The following CDO1 variants were observed in gnomAD, a reference collection of about 807,000 sequenced individuals.
CDO1 encodes cysteine dioxygenase, type I.
CDO1 carries 19 observed loss-of-function variants against 24.5 expected under a neutral mutation model. The observed-to-expected ratio is 0.77, with a 90% CI of 0.54 to 1.14. The LOEUF (loss-of-function observed/expected upper bound fraction) is 1.14, where lower values mean the gene tolerates loss of function less well. Ranked by LOEUF, CDO1 falls within the 50% of genes most tolerant of loss-of-function variation. The pLI is 0.00. For synonymous variants in CDO1, 91 were observed against 87.0 expected (o/e 1.05, Z -0.26); for missense variants, 244 against 244.8 (o/e 1.00, Z 0.02).
chr5:115,806,596 G>A (rs1270704239), intron 3 of CDO1, 78 bp from the exon 4 acceptor site: 8 of 1,021,742 alleles, frequency 7.8e-6, no homozygotes, highest in Middle Eastern at 2.0e-4. Flanking sequence ...TGAGTCATCT[G>A]AGATCATGAA....
chr5:115,805,171 T>A lies in CDO1; in HGVS notation c.*262A>T. ...GCTCCTAGTATGGATTTAATGGAAT[T>A]AGAGGATAGAACTATGAGAGCACTT... is the stretch of plus-strand genomic sequence containing the variant. On this transcript the variant is annotated 3_prime_UTR_variant, in exon 5 of 5. Coordinates refer to ENST00000250535, the MANE Select transcript of CDO1 (RefSeq NM_001801.3). The A allele has an allele frequency of 5.1e-6, 2 of 392,534 alleles. No individual in the cohort carries two copies. The highest frequency in any genetic ancestry group is 9.0e-6 in the Non-Finnish European group (2 of 221,630). The allele number at this position is 392,534 out of a possible 1,614,324, so 24.3% of individuals were successfully genotyped here. A position where few individuals can be genotyped will look rare whatever the true frequency, so the allele number is the denominator to read the frequency against.
chr5:115,811,010 C>G (rs1760163508), intron 3 of CDO1, 151 bp downstream of exon 3: 3 of 769,718 alleles, frequency 3.9e-6, no homozygotes, highest in South Asian at 3.7e-5. Flanking sequence ...GCTTAAAAAA[C>G]AAAACCTGCT....
intron 1 of CDO1, 137 bp from the exon 2 acceptor site, chr5:115,813,395 C>T: frequency 1.8e-6 from 1 of 553,936 alleles, no homozygotes. Flanking sequence ...ATGCAGTTTT[C>T]TAATTAGAAA....
At chr5:115,814,242 T>C (rs1760327362) in intron 1 of CDO1, 2 of 152,220 alleles carry the variant, frequency 1.3e-5, no homozygotes, top group African/African-American at 4.8e-5. Flanking sequence ...CAGTTTTCCC[T>C]ACTTTGTAGC....
intron 2 of CDO1, 103 bp downstream of exon 2, chr5:115,813,074 ATGAG>A: frequency 4.3e-6 from 2 of 468,628 alleles, no homozygotes; most frequent in Non-Finnish European, 7.6e-6. Flanking sequence ...AAAAAAAAAA[ATGAG>A]ATTTGTTACT....
chr5:115,808,400 T>C lies in CDO1; in HGVS notation c.404-1882A>G, dbSNP rs144618851. Among the ~76,000 whole-genome samples the C allele has an allele frequency of 9.9e-5, 15 of 152,210 alleles. No homozygotes were observed. The East Asian group carries it at 2.1e-3, about 22-fold the overall frequency. On this transcript the variant is annotated intron_variant, in intron 3 of 4. Transcript: ENST00000250535. Reference sequence around the variant, plus strand: ...CCCAGCTAAATTATCAATCAAGTTGTAGGAGTTGAATATAGAGATATTTAA... The same window carrying C: ...CCCAGCTAAATTATCAATCAAGTTGCAGGAGTTGAATATAGAGATATTTAA...
intron 2 of CDO1, among the ~76,000 whole-genome samples, chr5:115,812,218 C>G (rs1457327392): frequency 2.0e-5 from 3 of 152,176 alleles, no homozygotes; most frequent in Admixed American, 6.5e-5. Context: ...AATAAATGCA[C>G]TCTACAGACC....
At chr5:115,808,715 AC>A (rs1760058306) in intron 3 of CDO1, among the ~76,000 whole-genome samples, 1 of 148,856 alleles carries the variant, frequency 6.7e-6, no homozygotes, top group Non-Finnish European at 1.5e-5. Context: ...TTAAACACAC[AC>A]ACACACAAAA....
intron 3 of CDO1, among the ~76,000 whole-genome samples, chr5:115,807,290 G>T (rs1759988631): frequency 6.6e-6 from 1 of 152,190 alleles, no homozygotes; most frequent in South Asian, 2.1e-4. Context: ...GTCGCTGGAA[G>T]TTCCTGAAGA....
In CDO1 at chr5:115,816,264, G is replaced by A; in HGVS notation, c.134C>T (p.Thr45Ile). 1 of 1,614,248 alleles carries A rather than the reference G, an allele frequency of 6.2e-7. No individual in the cohort carries two copies. Among genetic ancestry groups the A allele is most frequent in the Non-Finnish European group, 8.5e-7 (1 of 1,180,040 alleles). ...AIMEAYESDP[T>I]EWAMYAKFDQ... ...GAACTTGGCGTACATTGCCCACTCG[G>A]TGGGGTCGCTCTCGTAGGCTTCCAT... The change falls in exon 1 of 5, where the codon ACC becomes ATC. Residue 45 changes from threonine (T) to isoleucine (I), a missense_variant. By Grantham distance (89) the Thr-to-Ile change is moderately conservative. Coordinates refer to ENST00000250535, the MANE Select transcript of CDO1 (RefSeq NM_001801.3).
At chr5:115,813,327 T>C (rs1760281440) in intron 1 of CDO1, 69 bp from the exon 2 acceptor site, 7 of 818,756 alleles carry the variant, frequency 8.5e-6, no homozygotes, top group Non-Finnish European at 1.5e-5. Context: ...AAAATAAGTG[T>C]GTCACCAAGT....
At chr5:115,810,506 C>T (rs1032907506) in intron 3 of CDO1, among the ~76,000 whole-genome samples, 1 of 152,144 alleles carries the variant, frequency 6.6e-6, no homozygotes, top group African/African-American at 2.4e-5. Flanking sequence ...TTTAATCTTC[C>T]TATGTGTTGG....
At chr5:115,806,278 A>G in intron 4 of CDO1, 71 bp downstream of exon 4, 1 of 1,017,162 alleles carries the variant, frequency 9.8e-7, no homozygotes. Context: ...GACTCATCTC[A>G]TTCTTTGCAT....
At chr5:115,816,202 T>A (rs759656866) in intron 1 of CDO1, 26 bp downstream of exon 1, 2 of 1,601,210 alleles carry the variant, frequency 1.2e-6, no homozygotes, top group Admixed American at 3.4e-5. Context: ...GGGCGCCGCC[T>A]GGCATTGAAG....
At chr5:115,805,907 T>C (rs1470006536) in intron 4 of CDO1, among the ~76,000 whole-genome samples, 4 of 152,216 alleles carry the variant, frequency 2.6e-5, no homozygotes, top group Non-Finnish European at 5.9e-5. Context: ...TTCTTATTTG[T>C]GGTATAAATG....
chr5:115,816,024 G>A (rs1033697401), intron 1 of CDO1, among the ~76,000 whole-genome samples: 1 of 152,208 alleles, frequency 6.6e-6, no homozygotes, highest in African/African-American at 2.4e-5. Flanking sequence ...AAGGCCAGTA[G>A]GATCCACCTT....
Position 115,806,512 on chromosome 5 carries a change from A to G in CDO1, c.410T>C (p.Ile137Thr), listed in dbSNP as rs200372326. The G allele has an allele frequency of 1.9e-4, 310 of 1,605,640 alleles. 4 individuals are homozygous for G. The South Asian group carries it at 2.8e-3, about 15-fold the overall frequency. ...ENQCAYINDS[I>T]GLHRVENISH... ...GATGTTCTCTACTCGATGTAAGCCAATGGAATCTAAACAATATCCGGGAAG... is the reference window on the plus strand; with the variant it reads ...GATGTTCTCTACTCGATGTAAGCCAGTGGAATCTAAACAATATCCGGGAAG... Residue 137 changes from isoleucine to threonine, a missense_variant, in exon 4 of 5, where the codon ATT becomes ACT. Transcript: ENST00000250535.
chr5:115,805,621 G>C (rs1286280675), intron 4 of CDO1, among the ~76,000 whole-genome samples, 159 bp from the exon 5 acceptor site: 1 of 152,178 alleles, frequency 6.6e-6, no homozygotes, highest in East Asian at 1.9e-4. Context: ...CTTAGGGTTT[G>C]GAATGTGGAA....
At chr5:115,806,287 A>C (rs1239408204) in intron 4 of CDO1, 62 bp downstream of exon 4, 3 of 1,111,694 alleles carry the variant, frequency 2.7e-6, no homozygotes, top group African/African-American at 3.2e-5. Context: ...CATTCTTTGC[A>C]TACATGCAGT....
Sources: allele counts gnomAD v4.1 joint callset (sites outside exome capture counted in the v4.1 genomes callset), GRCh38; gene constraint gnomAD v4.1.1; transcripts MANE v1.5; gene names NCBI Gene and HGNC (gene_info 2026-07-23, HGNC 2026-07-21).